Variants in RNF19A observed in about 807,000 individuals in gnomAD.
RNF19A encodes E3 ubiquitin-protein ligase RNF19A.
RNF19A carries 32 observed loss-of-function variants against 75.7 expected under a neutral mutation model. That is an observed-to-expected ratio of 0.42 (90% CI 0.32 to 0.57). The LOEUF is 0.57. RNF19A is among the 20% of genes least tolerant of loss of function. The pLI, the probability that RNF19A is intolerant of heterozygous loss-of-function variation, is 0.10. For synonymous variants in RNF19A, 335 were observed against 345.2 expected (o/e 0.97, Z 0.33); for missense variants, 782 against 1,036.3 (o/e 0.75, Z 3.37).
In RNF19A at chr8:100,277,436, C is replaced by T. The variant is rs550102827; in HGVS notation, c.675-2275G>A. The stretch of plus-strand genomic sequence containing the variant: ...AAGCTATTCTCCTGCCTCAGACTCC[C>T]GAGTAGCTGGGACTACAGGCGCCCA... On this transcript the variant is annotated intron_variant, in intron 2 of 9. Transcript: ENST00000341084. 1.2e-4 allele frequency among the ~76,000 whole-genome samples: 19 copies of T among 152,182 alleles called. No individual in the cohort carries two copies. In the East Asian group the frequency reaches 3.5e-3, roughly 28 times the overall value.
chr8:100,290,427 CAT>C (rs1025183224), intron 1 of RNF19A, among the ~76,000 whole-genome samples: 1 of 152,132 alleles, frequency 6.6e-6, no homozygotes, highest in African/African-American at 2.4e-5. Flanking sequence ...GTGCAGTATG[CAT>C]AGTGGTTACA....
chr8:100,292,255 T>C (rs150238621), intron 1 of RNF19A, among the ~76,000 whole-genome samples: 15 of 152,326 alleles, frequency 9.8e-5, no homozygotes, highest in African/African-American at 3.1e-4. Flanking sequence ...GCATGTGAGA[T>C]TGGGAATCCA....
intron 3 of RNF19A, among the ~76,000 whole-genome samples, chr8:100,273,943 C>T (rs1820380454): frequency 6.6e-6 from 1 of 152,050 alleles, no homozygotes; most frequent in African/African-American, 2.4e-5. Context: ...CCACCACGCC[C>T]AGCTAATTTT....
chr8:100,285,871 G>A (rs1379984933), intron 2 of RNF19A, among the ~76,000 whole-genome samples: 1 of 152,004 alleles, frequency 6.6e-6, no homozygotes, highest in Non-Finnish European at 1.5e-5. Context: ...GTTCTATGAA[G>A]GATAGACAGA....
intron 1 of RNF19A, among the ~76,000 whole-genome samples, chr8:100,308,564 C>A (rs561458560): frequency 3.6e-4 from 54 of 151,984 alleles, no homozygotes; most frequent in Admixed American, 3.1e-3. Context: ...TGTATTAAGA[C>A]GGGTAATGGC....
upstream of RNF19A, among the ~76,000 whole-genome samples, chr8:100,314,261 A>G (rs941349885): frequency 3.3e-5 from 5 of 152,068 alleles, no homozygotes; most frequent in East Asian, 1.9e-4. This position sits in a 1 kb window ranked among gnomAD's most constrained non-coding sequence, Gnocchi z 4.1. Context: ...TACACATACT[A>G]TATATACTTT....
At chr8:100,328,614 G>A (rs1822571127) in intron 1 of RNF19A, among the ~76,000 whole-genome samples, 1 of 152,028 alleles carries the variant, frequency 6.6e-6, no homozygotes, top group Non-Finnish European at 1.5e-5. Context: ...TGGGATTACA[G>A]GCACGCGCCA....
rs1162905844 is a variant in RNF19A, at chr8:100,322,251, T to G, written c.-242-8879A>C. Among the ~76,000 whole-genome samples the G allele has an allele frequency of 6.6e-6, 1 of 152,258 alleles. No individual in the cohort carries two copies. The highest frequency in any genetic ancestry group is 2.4e-5 in the African/African-American group (1 of 41,474). On this transcript the variant is annotated intron_variant, in intron 1 of 3. Coordinates refer to the RNF19A transcript ENST00000519527. This position sits in a 1 kb window ranked among gnomAD's most constrained non-coding sequence, Gnocchi z 5.1. ...CTGTTGTTTAGTATAGTCCCTTTTA[T>G]TAATGATCTTAGCTAGATCTTCTGG...
chr8:100,276,269 T>C (rs929030850), intron 2 of RNF19A, among the ~76,000 whole-genome samples: 32 of 152,316 alleles, frequency 2.1e-4, no homozygotes, highest in African/African-American at 7.7e-4. Context: ...AAGAAAGTAT[T>C]GATGCAAGTA....
rs899892569 is a variant in RNF19A at position 100,257,748 on chromosome 8, C to T, written c.*808G>A. The T allele has an allele frequency of 1.2e-5, 4 of 345,584 alleles. No individual in the cohort carries two copies. Among genetic ancestry groups the T allele is most frequent in the African/African-American group, 8.4e-5 (4 of 47,436 alleles). The allele number at this position is 345,584 out of a possible 1,614,324, so 21.4% of individuals were successfully genotyped here. On this transcript the variant is annotated 3_prime_UTR_variant, in exon 10 of 10. Coordinates refer to ENST00000341084, the MANE Select transcript of RNF19A (RefSeq NM_183419.4). ...CTAGGCCATTAAAACCCAGTCGATC[C>T]CAAAGGCACCAAGAATCAATGGGGT...
chr8:100,308,944 G>T (rs1470372668), intron 1 of RNF19A, among the ~76,000 whole-genome samples: 1 of 152,110 alleles, frequency 6.6e-6, no homozygotes, highest in African/African-American at 2.4e-5. Context: ...AAGGGTCAAT[G>T]GGAAAAAATT....
intron 1 of RNF19A, among the ~76,000 whole-genome samples, chr8:100,298,560 A>T (rs1194355097): frequency 1.3e-5 from 2 of 152,166 alleles, no homozygotes; most frequent in African/African-American, 2.4e-5. Context: ...TAGTTTCTAT[A>T]ATCTCTCAGA....
chr8:100,318,394 T>A (rs1249015572), intron 1 of RNF19A, among the ~76,000 whole-genome samples: 1 of 152,256 alleles, frequency 6.6e-6, no homozygotes, highest in South Asian at 2.1e-4. Flanking sequence ...TGCCTTCAGA[T>A]TGAATTTTTC....
rs561079285 is a variant in RNF19A at position 100,260,514 on chromosome 8, C to T, written c.1683-517G>A. Among the ~76,000 whole-genome samples the T allele has an allele frequency of 6.6e-6, 1 of 152,252 alleles. No individual in the cohort carries two copies. Among genetic ancestry groups the T allele is most frequent in the African/African-American group, 2.4e-5 (1 of 41,556 alleles). On this transcript the variant is annotated intron_variant, in intron 8 of 9. Coordinates refer to ENST00000341084, the MANE Select transcript of RNF19A (RefSeq NM_183419.4). This position sits in a 1 kb window ranked among gnomAD's most constrained non-coding sequence, Gnocchi z 4.1. ...CAAATTCCTGGCCTCAAGCTATCCT[C>T]CCAACCTGGCCTCCCAAAGTGCTGG... is the stretch of plus-strand genomic sequence containing the variant.
chr8:100,309,844 C>T, intron 1 of RNF19A, 23 bp downstream of exon 1: 2 of 985,634 alleles, frequency 2.0e-6, no homozygotes, highest in Non-Finnish European at 2.4e-6. Flanking sequence ...GGGGCGCAAG[C>T]TCCTCCGGGT....
chr8:100,320,257 G>A (rs544995958), intron 1 of RNF19A, among the ~76,000 whole-genome samples: 2 of 152,242 alleles, frequency 1.3e-5, no homozygotes, highest in East Asian at 3.9e-4. Flanking sequence ...ATTTTATACT[G>A]AATGTATCAT....
At chr8:100,326,037 T>C (rs1822529261) in intron 1 of RNF19A, among the ~76,000 whole-genome samples, 1 of 152,204 alleles carries the variant, frequency 6.6e-6, no homozygotes, top group South Asian at 2.1e-4. Flanking sequence ...CCGGGTGTTT[T>C]ATGCTCTTTG....
intron 1 of RNF19A, among the ~76,000 whole-genome samples, chr8:100,302,872 G>C (rs1287142979): frequency 6.6e-6 from 1 of 152,156 alleles, no homozygotes; most frequent in East Asian, 1.9e-4. Flanking sequence ...GAGCAAGTTA[G>C]GAGAAGAAAG....
chr8:100,317,917 T>A lies in RNF19A; in HGVS notation c.-242-4545A>T, dbSNP rs1346777042. On this transcript the variant is annotated intron_variant, in intron 1 of 3. Coordinates refer to the RNF19A transcript ENST00000519527. This position sits in a 1 kb window ranked among gnomAD's most constrained non-coding sequence, Gnocchi z 4.3. The stretch of plus-strand genomic sequence containing the variant: ...TAGACAATAAATTACATGGTCACCC[T>A]GGTAATGAGCCTCAATGTCAAGGCC... Among the ~76,000 whole-genome samples the A allele has an allele frequency of 6.6e-6, 1 of 152,194 alleles. No homozygotes were observed. Among genetic ancestry groups the A allele is most frequent in the Non-Finnish European group, 1.5e-5 (1 of 68,032 alleles).
Sources: allele counts gnomAD v4.1 joint callset (sites outside exome capture counted in the v4.1 genomes callset), GRCh38; gene constraint gnomAD v4.1.1; non-coding constraint Gnocchi (gnomAD v3.1); transcripts MANE v1.5; gene names NCBI Gene and HGNC (gene_info 2026-07-23, HGNC 2026-07-21).